The following EPCAM variants were observed in gnomAD, a reference collection of about 807,000 sequenced individuals.
The protein encoded by EPCAM is epithelial cell adhesion molecule, also known as adenocarcinoma-associated antigen.
EPCAM carries 39 observed loss-of-function variants against 40.0 expected under a neutral mutation model. The observed-to-expected ratio is 0.98, with a 90% CI of 0.76 to 1.27. The LOEUF is 1.27. EPCAM is among the 50% of genes most tolerant of loss of function. EPCAM has a pLI of 0.00. For missense variants in EPCAM, 503 were observed against 381.2 expected (o/e 1.32, Z -2.66); for synonymous variants, 168 against 132.3 (o/e 1.27, Z -1.85).
chr2:47,370,107 C>T (rs978831471), intron 1 of EPCAM, among the ~76,000 whole-genome samples: 2 of 152,224 alleles, frequency 1.3e-5, no homozygotes, highest in African/African-American at 2.4e-5. Flanking sequence ...CGGCCCGGAC[C>T]ACACAGGGCG....
intron 5 of EPCAM, chr2:47,377,775 C>T (rs551688699): frequency 4.3e-5 from 20 of 464,834 alleles, no homozygotes; most frequent in African/African-American, 2.2e-4. Flanking sequence ...CTCCCATCTT[C>T]TCTGCTTTAA....
intron 1 of EPCAM, among the ~76,000 whole-genome samples, chr2:47,370,182 AAAT>A (rs1671215554): frequency 6.6e-6 from 1 of 152,250 alleles, no homozygotes; most frequent in South Asian, 2.1e-4. Flanking sequence ...GGGAACGCAG[AAAT>A]AATAACCGTA....
At chr2:47,370,811 A>G (rs1671242305) in intron 1 of EPCAM, among the ~76,000 whole-genome samples, 1 of 151,504 alleles carries the variant, frequency 6.6e-6, no homozygotes, top group East Asian at 1.9e-4. Context: ...TCTCACTGCA[A>G]TTCAGGCGAT....
At chr2:47,369,639 C>T in intron 1 of EPCAM, 58 bp downstream of exon 1, 3 of 1,513,034 alleles carry the variant, frequency 2.0e-6, no homozygotes, top group Non-Finnish European at 2.7e-6. Flanking sequence ...GGCAGCGGCC[C>T]CCGGCCCTCG....
rs994625769 is a variant in EPCAM at position 47,375,363 on chromosome 2, C to T, written c.491+64C>T. On this transcript the variant is annotated intron_variant, in intron 4 of 8. Coordinates refer to ENST00000263735, the MANE Select transcript of EPCAM (RefSeq NM_002354.3). ...GTGGCTCAAATCTTCCATCCTACAC[C>T]ATTAGAAAAAGCAAGTCTAAATGCT... 2.2e-5 allele frequency: 23 copies of T among 1,065,698 alleles called. No homozygotes were observed. The Middle Eastern group carries it at 8.1e-4, about 37-fold the overall frequency. 66.0% of individuals were successfully genotyped at this position (1,065,698 alleles called of 1,614,324 possible). A position where few individuals can be genotyped will look rare whatever the true frequency, so the allele number is the denominator to read the frequency against.
chr2:47,380,793 A>G (rs1389475747), intron 7 of EPCAM, among the ~76,000 whole-genome samples: 1 of 152,138 alleles, frequency 6.6e-6, no homozygotes, highest in African/African-American at 2.4e-5. Flanking sequence ...GTATCAAGAA[A>G]TCTTACTAAC....
intron 1 of EPCAM, chr2:47,369,835 CG>C: frequency 1.6e-6 from 1 of 626,944 alleles, no homozygotes; most frequent in Non-Finnish European, 3.1e-6. Context: ...TGGGCGGAGG[CG>C]GGGGACAGGC....
At chr2:47,374,687 A>G (rs1671376333) in intron 3 of EPCAM, among the ~76,000 whole-genome samples, 1 of 150,252 alleles carries the variant, frequency 6.7e-6, no homozygotes, top group South Asian at 2.1e-4. Context: ...CTTGTTGCCC[A>G]GGTTGGAGTG....
chr2:47,370,818 C>T (rs1573390746), intron 1 of EPCAM, among the ~76,000 whole-genome samples: 2 of 151,780 alleles, frequency 1.3e-5, no homozygotes, highest in African/African-American at 4.8e-5. Flanking sequence ...GCAATTCAGG[C>T]GATTCTCCTG....
chr2:47,381,221 A>AC (rs1208967517), intron 7 of EPCAM, among the ~76,000 whole-genome samples: 1 of 151,040 alleles, frequency 6.6e-6, no homozygotes, highest in Non-Finnish European at 1.5e-5. Flanking sequence ...ACGTGGAGAA[A>AC]CCCCATCTCT....
At position 47,369,757 on chromosome 2, in the gene EPCAM, A is replaced by G. The variant is rs1476824823; in HGVS notation, c.76+176A>G. The G allele has an allele frequency of 4.0e-6, 3 of 743,196 alleles. No individual in the cohort carries two copies. In the East Asian group the frequency reaches 8.1e-5, roughly 20 times the overall value. 46.0% of individuals were successfully genotyped at this position (743,196 alleles called of 1,614,324 possible). A position where few individuals can be genotyped will look rare whatever the true frequency, so the allele number is the denominator to read the frequency against. On this transcript the variant is annotated intron_variant, in intron 1 of 8. Coordinates refer to ENST00000263735, the MANE Select transcript of EPCAM (RefSeq NM_002354.3). ...GCTCAGGCCCTCCGCGCGGTAGGAAACGGCGAGGGCCGTCCCGGGGAGCAG... is the reference window on the plus strand; with the variant it reads ...GCTCAGGCCCTCCGCGCGGTAGGAAGCGGCGAGGGCCGTCCCGGGGAGCAG...
chr2:47,372,946 C>T (rs569074598), intron 1 of EPCAM, among the ~76,000 whole-genome samples: 2 of 152,116 alleles, frequency 1.3e-5, no homozygotes, highest in South Asian at 2.1e-4. Flanking sequence ...TGGCTCATGC[C>T]TGTAATCCCA....
At chr2:47,374,769 GAGTAGC>G (rs1671378328) in intron 3 of EPCAM, among the ~76,000 whole-genome samples, 1 of 151,954 alleles carries the variant, frequency 6.6e-6, no homozygotes, top group Non-Finnish European at 1.5e-5. Context: ...TTAGCCTCCT[GAGTAGC>G]TGGGACTACA....
At chr2:47,385,733 TTG>T (rs1475864010) in intron 8 of EPCAM, among the ~76,000 whole-genome samples, 2 of 152,302 alleles carry the variant, frequency 1.3e-5, no homozygotes, top group Non-Finnish European at 2.9e-5. Context: ...ATCTCAATTT[TTG>T]TGTGTCTTTG....
At chr2:47,375,163 G>C (rs1671389158) in intron 3 of EPCAM, 71 bp from the exon 4 acceptor site, 1 of 1,154,206 alleles carries the variant, frequency 8.7e-7, no homozygotes, top group Admixed American at 1.8e-5. Context: ...AGAATTTTAG[G>C]ATTAGCTTAT....
chr2:47,369,373 T>A lies in EPCAM; in HGVS notation c.-133T>A. On this transcript the variant is annotated 5_prime_UTR_variant, in exon 1 of 9. Coordinates refer to ENST00000263735, the MANE Select transcript of EPCAM (RefSeq NM_002354.3). ...CGCGGTCCGGGGACCCCCTCGTCGC[T>A]GTCCTCCCGACGCGGACCCGCGTGC... is the stretch of plus-strand genomic sequence containing the variant. 8.4e-7 allele frequency: 1 copy of A among 1,189,220 alleles called. No individual in the cohort carries two copies. Among genetic ancestry groups the A allele is most frequent in the Non-Finnish European group, 1.1e-6 (1 of 909,718 alleles). The allele number at this position is 1,189,220 out of a possible 1,614,324, so 73.7% of individuals were successfully genotyped here.
chr2:47,371,039 C>T (rs1397527871), intron 1 of EPCAM, among the ~76,000 whole-genome samples: 5 of 151,640 alleles, frequency 3.3e-5, no homozygotes, highest in Non-Finnish European at 7.4e-5. Flanking sequence ...GAGACGACAT[C>T]TCACTATGTT....
Position 47,375,252 on chromosome 2 carries a change from A to G in EPCAM, c.444A>G (p.Leu148=), listed in dbSNP as rs781118172. Residue 148 remains leucine, a synonymous_variant, in exon 4 of 9, where the codon CTA becomes CTG. Coordinates refer to ENST00000263735, the MANE Select transcript of EPCAM (RefSeq NM_002354.3). ...TTTATAGCTGGATCATCATTGAACTAAAACACAAAGCAAGAGAAAAACCTT... is the reference window on the plus strand; with the variant it reads ...TTTATAGCTGGATCATCATTGAACTGAAACACAAAGCAAGAGAAAAACCTT... ...RVRTYWIIIE[L]KHKAREKPYD... is the part of the protein sequence containing the mutation. The G allele has an allele frequency of 6.2e-7, 1 of 1,611,270 alleles. No homozygotes were observed. Among genetic ancestry groups the G allele is most frequent in the Admixed American group, 1.7e-5 (1 of 60,008 alleles).
intron 4 of EPCAM, among the ~76,000 whole-genome samples, chr2:47,376,693 A>C (rs1172290679): frequency 6.6e-6 from 1 of 152,184 alleles, no homozygotes; most frequent in Non-Finnish European, 1.5e-5. Flanking sequence ...TAGTAAAGTA[A>C]ACTTTGGTTA....
Sources: gnomAD v4.1 joint callset for allele counts (sites outside exome capture counted in the v4.1 genomes callset) on GRCh38, gnomAD v4.1.1 for gene constraint, MANE v1.5 for transcripts, NCBI Gene and HGNC (gene_info 2026-07-23, HGNC 2026-07-21) for gene names.